The following RALYL variants were observed in gnomAD, a reference collection of about 807,000 sequenced individuals.
RALYL encodes the protein RALY RNA binding protein like, also known as RNA-binding Raly-like protein.
In RALYL, 29 loss-of-function variants were observed where a neutral mutation model predicts 35.1. The ratio of observed to expected loss-of-function variants is 0.83; its 90% CI spans 0.61 to 1.13. RALYL has a LOEUF of 1.13. RALYL is among the 50% of genes most tolerant of loss of function. RALYL has a pLI of 0.00. For synonymous variants in RALYL, 120 were observed against 127.6 expected, an observed-to-expected ratio of 0.94 and a Z score of 0.40; for missense variants, 359 against 360.4, an observed-to-expected ratio of 1.00 and a Z score of 0.03.
At chr8:84,707,712 TATAAA>T (rs1394939365) in intron 2 of RALYL, among the ~76,000 whole-genome samples, 2 of 152,134 alleles carry the variant, frequency 1.3e-5, no homozygotes, top group South Asian at 2.1e-4. Context: ...ATTCTAATAA[TATAAA>T]ATATCAGAGA....
At chr8:84,218,734 G>C (rs1746241470) in intron 1 of RALYL, among the ~76,000 whole-genome samples, 2 of 152,054 alleles carry the variant, frequency 1.3e-5, no homozygotes, top group Non-Finnish European at 2.9e-5. Context: ...TCAACAGTCA[G>C]TTTATTGATT....
At chr8:84,415,342 C>A (rs1373194909) in intron 1 of RALYL, among the ~76,000 whole-genome samples, 1 of 151,450 alleles carries the variant, frequency 6.6e-6, no homozygotes, top group Non-Finnish European at 1.5e-5. Flanking sequence ...CAGGTTCAAG[C>A]GATTCTCCTG....
chr8:84,694,941 A>G (rs1382162105), intron 2 of RALYL, among the ~76,000 whole-genome samples: 1 of 151,774 alleles, frequency 6.6e-6, no homozygotes, highest in Non-Finnish European at 1.5e-5. Context: ...GTATTAACTC[A>G]TTTAATTCTT....
chr8:84,841,678 C>T (rs1038626457), intron 4 of RALYL, among the ~76,000 whole-genome samples: 3 of 152,168 alleles, frequency 2.0e-5, no homozygotes, highest in African/African-American at 7.2e-5. Flanking sequence ...CTTCTCATCA[C>T]CACACCACCC....
At chr8:84,529,711 A>G in intron 2 of RALYL, 134 bp downstream of exon 2, 2 of 663,454 alleles carry the variant, frequency 3.0e-6, no homozygotes, top group Non-Finnish European at 4.6e-6. Context: ...TTTATTATTT[A>G]TATTTTTTCA....
At chr8:84,855,846 T>C (rs770684403) in intron 5 of RALYL, among the ~76,000 whole-genome samples, 15 of 152,170 alleles carry the variant, frequency 9.9e-5, no homozygotes, top group Non-Finnish European at 1.9e-4. Flanking sequence ...ATGCCACAGG[T>C]GTTTTACTTC....
intron 1 of RALYL, among the ~76,000 whole-genome samples, chr8:84,339,662 G>A (rs1848432267): frequency 6.6e-6 from 1 of 151,644 alleles, no homozygotes; most frequent in South Asian, 2.1e-4. Context: ...GTGGAAAAAT[G>A]GTCTTCTGCA....
intron 1 of RALYL, among the ~76,000 whole-genome samples, chr8:84,383,127 A>G (rs1486633103): frequency 6.6e-6 from 1 of 151,810 alleles, no homozygotes; most frequent in East Asian, 1.9e-4. Context: ...CACATCACTT[A>G]TTCATGCCTG....
At chr8:84,731,776 T>C (rs1428920991) in intron 2 of RALYL, among the ~76,000 whole-genome samples, 2 of 152,160 alleles carry the variant, frequency 1.3e-5, no homozygotes, top group Non-Finnish European at 2.9e-5. Flanking sequence ...AAAAAAACTA[T>C]CGCTTTCTAT....
chr8:84,719,139 T>C (rs1025497983), intron 2 of RALYL, among the ~76,000 whole-genome samples: 5 of 152,290 alleles, frequency 3.3e-5, no homozygotes, highest in Non-Finnish European at 2.9e-5. Flanking sequence ...CTGTATGTAA[T>C]TGATAATTTA....
intron 4 of RALYL, among the ~76,000 whole-genome samples, chr8:84,828,123 G>A (rs1830096501): frequency 6.6e-6 from 1 of 151,980 alleles, no homozygotes; most frequent in Non-Finnish European, 1.5e-5. Context: ...TAATATGTGG[G>A]AAATTATACC....
intron 1 of RALYL, among the ~76,000 whole-genome samples, chr8:84,260,852 A>G (rs1038975267): frequency 6.6e-6 from 1 of 152,134 alleles, no homozygotes; most frequent in Non-Finnish European, 1.5e-5. Flanking sequence ...GCCCTAAAAC[A>G]CCAAATTTCT....
intron 2 of RALYL, among the ~76,000 whole-genome samples, chr8:84,681,565 T>C (rs1349247185): frequency 6.6e-6 from 1 of 152,214 alleles, no homozygotes; most frequent in Non-Finnish European, 1.5e-5. Flanking sequence ...TCACATCCCT[T>C]GTAAATTGGA....
chr8:84,718,452 C>A (rs955915760), intron 2 of RALYL, among the ~76,000 whole-genome samples: 1 of 151,958 alleles, frequency 6.6e-6, no homozygotes, highest in Non-Finnish European at 1.5e-5. Context: ...TTAATTATTG[C>A]ATAAAATTGT....
intron 1 of RALYL, among the ~76,000 whole-genome samples, chr8:84,433,708 C>A (rs1330989388): frequency 6.6e-6 from 1 of 151,912 alleles, no homozygotes; most frequent in African/African-American, 2.4e-5. Context: ...GCCTCCCCAG[C>A]CATGTGGAAC....
intron 1 of RALYL, among the ~76,000 whole-genome samples, chr8:84,466,785 G>T (rs867216481): frequency 4.1e-4 from 61 of 149,254 alleles, no homozygotes; most frequent in African/African-American, 1.2e-3. Context: ...GACTCTTTTG[G>T]TTGGTAAGCT....
chr8:84,384,335 C>G (rs185375325), intron 1 of RALYL, among the ~76,000 whole-genome samples: 4,515 of 151,764 alleles, frequency 0.03, 210 homozygotes, highest in African/African-American at 0.1. Flanking sequence ...ATTATACTGT[C>G]TCCTCCATAT....
intron 4 of RALYL, among the ~76,000 whole-genome samples, chr8:84,820,987 A>C (rs1828391254): frequency 6.6e-6 from 1 of 152,176 alleles, no homozygotes; most frequent in Admixed American, 6.5e-5. Context: ...TCAGTCCTGA[A>C]AATAATCACT....
At chr8:84,301,885 G>A (rs1004496977) in intron 1 of RALYL, among the ~76,000 whole-genome samples, 3 of 151,840 alleles carry the variant, frequency 2.0e-5, no homozygotes, top group Admixed American at 6.6e-5. Context: ...TATATCTAAT[G>A]AGCATCCTTT....
Sources: allele counts gnomAD v4.1 joint callset (sites outside exome capture counted in the v4.1 genomes callset), GRCh38; gene constraint gnomAD v4.1.1; transcripts MANE v1.5; gene names NCBI Gene and HGNC (gene_info 2026-07-23, HGNC 2026-07-21).